The following RFC3 variants were observed in gnomAD, a reference collection of about 807,000 sequenced individuals.
RFC3 encodes the protein A1 38 kDa subunit.
RFC3 carries 41 observed loss-of-function variants against 45.1 expected under a neutral mutation model. The ratio of observed to expected loss-of-function variants is 0.91; its 90% confidence interval spans 0.71 to 1.18. RFC3 has a LOEUF of 1.18. Among genes scored for constraint, RFC3 ranks in the 50% most tolerant of loss-of-function variants. RFC3 has a pLI of 0.00. For missense variants in RFC3, 423 were observed against 428.1 expected (o/e 0.99, Z 0.10); for synonymous variants, 149 against 144.0 (o/e 1.03, Z -0.25).
intron 8 of RFC3, among the ~76,000 whole-genome samples, chr13:33,897,482 A>G (rs1444895597): frequency 1.3e-5 from 2 of 152,110 alleles, no homozygotes; most frequent in African/African-American, 2.4e-5. Context: ...TTACTTAACC[A>G]TAAAGGAAAA....
chr13:33,838,762 G>C (rs753408394), downstream of RFC3, among the ~76,000 whole-genome samples: 4 of 152,080 alleles, frequency 2.6e-5, no homozygotes, highest in African/African-American at 9.7e-5. Flanking sequence ...TTTTTCTCCT[G>C]TGTACTGTTA....
intron 8 of RFC3, among the ~76,000 whole-genome samples, chr13:33,934,828 C>T (rs779174592): frequency 6.6e-6 from 1 of 152,084 alleles, no homozygotes; most frequent in Non-Finnish European, 1.5e-5. Context: ...CTCCTATAAG[C>T]GTCTCTTCTG....
At chr13:33,834,861 C>G (rs1317074628) in intron 7 of RFC3, among the ~76,000 whole-genome samples, 1 of 151,924 alleles carries the variant, frequency 6.6e-6, no homozygotes, top group Non-Finnish European at 1.5e-5. Flanking sequence ...AATTAGGAAC[C>G]CTGAATATAG....
At chr13:33,864,975 G>T (rs1459868252) in intron 8 of RFC3, among the ~76,000 whole-genome samples, 4 of 152,072 alleles carry the variant, frequency 2.6e-5, no homozygotes, top group African/African-American at 9.7e-5. Flanking sequence ...GAAAATAATC[G>T]ATTGATTGTA....
chr13:33,831,469 A>T (rs1303454071), intron 7 of RFC3, 115 bp downstream of exon 7: 1 of 592,072 alleles, frequency 1.7e-6, no homozygotes, highest in African/African-American at 2.1e-5. Flanking sequence ...GAATCTATGT[A>T]TTAACTTTTT....
chr13:33,900,706 C>G (rs890673181), intron 8 of RFC3, among the ~76,000 whole-genome samples: 1 of 151,450 alleles, frequency 6.6e-6, no homozygotes, highest in African/African-American at 2.4e-5. Context: ...AGTTAAAAAG[C>G]TTCTGCACAA....
At chr13:33,956,479 TAAACTCTGCTAAACTAG>T (rs1393341481) in intron 8 of RFC3, among the ~76,000 whole-genome samples, 5 of 152,240 alleles carry the variant, frequency 3.3e-5, no homozygotes, top group Admixed American at 3.3e-4. Context: ...TAAATTTCCC[TAAACTCTGCTAAACTAG>T]AAACATATGC....
chr13:33,868,088 G>A (rs1290561996), intron 8 of RFC3, among the ~76,000 whole-genome samples: 1 of 152,204 alleles, frequency 6.6e-6, no homozygotes, highest in African/African-American at 2.4e-5. Flanking sequence ...GCTTGAAAAT[G>A]TCTTGATTGT....
chr13:33,889,558 T>C (rs1323710551), intron 8 of RFC3, among the ~76,000 whole-genome samples: 1 of 152,256 alleles, frequency 6.6e-6, no homozygotes, highest in African/African-American at 2.4e-5. Context: ...TTCTTTGTGC[T>C]AATGACTTTC....
At chr13:33,902,513 T>C (rs1203697559) in intron 8 of RFC3, among the ~76,000 whole-genome samples, 2 of 152,206 alleles carry the variant, frequency 1.3e-5, no homozygotes, top group East Asian at 3.9e-4. Context: ...CTATTGATAA[T>C]TGTTCCGTAT....
intron 8 of RFC3, among the ~76,000 whole-genome samples, chr13:33,895,212 A>C (rs1264696189): frequency 6.6e-6 from 1 of 152,246 alleles, no homozygotes; most frequent in East Asian, 1.9e-4. Context: ...GTAAACAGAC[A>C]ACCCACAGAG....
chr13:33,823,177 A>G (rs1316854914), intron 2 of RFC3, among the ~76,000 whole-genome samples: 2 of 152,098 alleles, frequency 1.3e-5, no homozygotes, highest in East Asian at 3.8e-4. Flanking sequence ...GAGTGTTGCC[A>G]GTGGAAAAGT....
intron 8 of RFC3, among the ~76,000 whole-genome samples, chr13:33,941,983 TATC>T (rs2082927301): frequency 6.6e-6 from 1 of 152,186 alleles, no homozygotes; most frequent in South Asian, 2.1e-4. Context: ...TGTTCAGTAA[TATC>T]ATTTGTTCAG....
intron 8 of RFC3, among the ~76,000 whole-genome samples, chr13:33,922,409 C>G (rs1310597110): frequency 2.0e-5 from 3 of 151,994 alleles, no homozygotes; most frequent in African/African-American, 7.2e-5. Flanking sequence ...AGGACCCAAG[C>G]TAATCATCAT....
intron 8 of RFC3, among the ~76,000 whole-genome samples, chr13:33,927,354 T>G (rs1056425420): frequency 1.3e-5 from 2 of 151,972 alleles, no homozygotes; most frequent in African/African-American, 4.8e-5. Context: ...GTTATGCAAG[T>G]TGTTTTGAAA....
intron 8 of RFC3, among the ~76,000 whole-genome samples, chr13:33,905,005 G>T (rs957596579): frequency 1.3e-5 from 2 of 152,132 alleles, no homozygotes; most frequent in Admixed American, 6.5e-5. Context: ...ATTATCTTTG[G>T]TGGAAAGGAG....
rs542750563 is a variant in RFC3, at chr13:33,943,046, G to A, written c.880-23041G>A. On this transcript the variant is annotated intron_variant, in intron 8 of 8. Coordinates refer to the RFC3 transcript ENST00000434425. ...ATTTTGATTGTCAAGGTCAATATGTGGTTGTTTCCATAATTTTAGTCAAGG... is the reference window on the plus strand; with the variant it reads ...ATTTTGATTGTCAAGGTCAATATGTAGTTGTTTCCATAATTTTAGTCAAGG... Among the ~76,000 whole-genome samples the A allele has an allele frequency of 3.9e-5, 6 of 152,274 alleles. No homozygotes were observed. The East Asian group carries it at 1.2e-3, about 29-fold the overall frequency.
intron 8 of RFC3, among the ~76,000 whole-genome samples, chr13:33,867,994 A>T (rs2082384454): frequency 6.6e-6 from 1 of 152,198 alleles, no homozygotes; most frequent in Non-Finnish European, 1.5e-5. Context: ...AATAGAGAGG[A>T]AAATAACATC....
At chr13:33,924,439 A>G (rs1356891943) in intron 8 of RFC3, among the ~76,000 whole-genome samples, 3 of 151,928 alleles carry the variant, frequency 2.0e-5, no homozygotes, top group African/African-American at 7.3e-5. Context: ...AGCCATGCCC[A>G]TTTACTTACC....
Sources: allele counts gnomAD v4.1 joint callset (sites outside exome capture counted in the v4.1 genomes callset), GRCh38; gene constraint gnomAD v4.1.1; transcripts MANE v1.5; gene names NCBI Gene and HGNC (gene_info 2026-07-23, HGNC 2026-07-21).